Variants in SDCCAG8 observed in about 807,000 individuals in gnomAD.
SDCCAG8 encodes the protein SHH signaling and ciliogenesis regulator SDCCAG8, also known as serologically defined colon cancer antigen 8.
A neutral mutation model predicts 101.8 loss-of-function variants in SDCCAG8; 74 were observed. The observed-to-expected ratio is 0.73, with a 90% confidence interval of 0.60 to 0.88. The LOEUF (loss-of-function observed/expected upper bound fraction) is 0.88. Ranked by LOEUF, SDCCAG8 falls within the 40% of genes least tolerant of loss-of-function variation. SDCCAG8 has a pLI of 0.00. For synonymous variants in SDCCAG8, 281 were observed against 292.9 expected (o/e 0.96, Z 0.41); for missense variants, 787 against 822.6 (o/e 0.96, Z 0.53).
intron 13 of SDCCAG8, among the ~76,000 whole-genome samples, chr1:243,414,807 CACTT>C (rs2080448212): frequency 6.6e-6 from 1 of 151,906 alleles, no homozygotes; most frequent in South Asian, 2.1e-4. Context: ...ACCCTAATAT[CACTT>C]ACCCATATTT....
At chr1:243,415,901 C>A in intron 14 of SDCCAG8, 72 bp downstream of exon 14, 1 of 1,569,144 alleles carries the variant, frequency 6.4e-7, no homozygotes, top group Non-Finnish European at 8.7e-7. Flanking sequence ...TGTGAAATGA[C>A]ATCAGGAACA....
chr1:243,471,878 T>A (rs1661343521), intron 16 of SDCCAG8, among the ~76,000 whole-genome samples: 1 of 152,188 alleles, frequency 6.6e-6, no homozygotes, highest in South Asian at 2.1e-4. Context: ...GATTCTACTC[T>A]CTAATACATA....
chr1:243,407,970 T>C (rs941175046), intron 13 of SDCCAG8, among the ~76,000 whole-genome samples: 1 of 152,212 alleles, frequency 6.6e-6, no homozygotes, highest in African/African-American at 2.4e-5. Context: ...TAGCTGTAAA[T>C]AAGCATAGAA....
Position 243,499,735 on chromosome 1 carries a change from ACTT to A in SDCCAG8, c.2113-20_2113-18del, listed in dbSNP as rs1350739174. On this transcript the variant is annotated intron_variant, in intron 17 of 17. Coordinates refer to ENST00000366541, the MANE Select transcript of SDCCAG8 (RefSeq NM_006642.5). ...TGAAGAACATGAGCTATTGAAACTT[ACTT>A]TTTATTATTTTTTCCAGTTACCCAG... 9 of 1,597,424 alleles carry A rather than the reference ACTT, an allele frequency of 5.6e-6. No homozygotes were observed. Among genetic ancestry groups the A allele is most frequent in the Non-Finnish European group, 7.7e-6 (9 of 1,165,088 alleles).
intron 12 of SDCCAG8, among the ~76,000 whole-genome samples, chr1:243,348,818 CAAAAA>C (rs34405078): frequency 1.1e-4 from 15 of 131,256 alleles, no homozygotes; most frequent in Admixed American, 2.3e-4. Flanking sequence ...ACTAAAAATA[CAAAAA>C]AAAAAAAAAA....
chr1:243,329,145 T>G (rs1309478047), intron 9 of SDCCAG8, among the ~76,000 whole-genome samples: 1 of 152,222 alleles, frequency 6.6e-6, no homozygotes, highest in African/African-American at 2.4e-5. Flanking sequence ...GTATGCCTTT[T>G]CATTTATTTT....
chr1:243,370,400 A>AT (rs1000242287), intron 12 of SDCCAG8, among the ~76,000 whole-genome samples: 2 of 152,104 alleles, frequency 1.3e-5, no homozygotes, highest in Non-Finnish European at 2.9e-5. Context: ...GTGCAAAGCA[A>AT]TTTTTTTTCC....
At chr1:243,403,143 C>T (rs73118401) in intron 13 of SDCCAG8, among the ~76,000 whole-genome samples, 5,371 of 152,180 alleles carry the variant, frequency 0.035, 230 homozygotes, top group African/African-American at 0.096. Flanking sequence ...GTGGAGCTTC[C>T]CACATAATCC....
At chr1:243,308,549 G>C (rs2072396105) in intron 8 of SDCCAG8, among the ~76,000 whole-genome samples, 1 of 152,094 alleles carries the variant, frequency 6.6e-6, no homozygotes, top group African/African-American at 2.4e-5. Flanking sequence ...AAATTCCTTT[G>C]GTTTTGCCAT....
intron 17 of SDCCAG8, 42 bp downstream of exon 17, chr1:243,489,182 G>C: frequency 6.2e-7 from 1 of 1,604,416 alleles, no homozygotes; most frequent in Non-Finnish European, 8.5e-7. Flanking sequence ...CCTTGGGCGG[G>C]CGTCTACAGG....
intron 13 of SDCCAG8, among the ~76,000 whole-genome samples, chr1:243,398,754 TAGTC>T (rs2079180251): frequency 6.6e-6 from 1 of 152,232 alleles, no homozygotes; most frequent in African/African-American, 2.4e-5. Flanking sequence ...CATCATTTGA[TAGTC>T]ATATCACAAA....
intron 9 of SDCCAG8, 49 bp from the exon 10 acceptor site, chr1:243,330,491 A>AT (rs1409899138): frequency 1.9e-6 from 3 of 1,599,844 alleles, no homozygotes; most frequent in Non-Finnish European, 2.6e-6. Context: ...TTTTACCTAT[A>AT]TTTTTTCCAA....
At chr1:243,316,041 C>A (rs1413692354) in intron 8 of SDCCAG8, among the ~76,000 whole-genome samples, 1 of 152,170 alleles carries the variant, frequency 6.6e-6, no homozygotes, top group Non-Finnish European at 1.5e-5. Flanking sequence ...CATGCCAGAG[C>A]ATTTTGGCAT....
At chr1:243,496,842 G>C (rs766631248) in intron 17 of SDCCAG8, among the ~76,000 whole-genome samples, 7 of 152,238 alleles carry the variant, frequency 4.6e-5, no homozygotes, top group Non-Finnish European at 1.0e-4. Flanking sequence ...GACTCCGATA[G>C]GATTTAAAAT....
intron 9 of SDCCAG8, among the ~76,000 whole-genome samples, chr1:243,324,576 A>T (rs983404955): frequency 1.4e-5 from 2 of 145,914 alleles, no homozygotes; most frequent in Non-Finnish European, 3.0e-5. Context: ...CTCCCTCCTT[A>T]GCCCCGCAAA....
chr1:243,365,940 G>A (rs533929074), intron 12 of SDCCAG8, among the ~76,000 whole-genome samples: 8 of 152,140 alleles, frequency 5.3e-5, no homozygotes, highest in African/African-American at 1.4e-4. Flanking sequence ...CCTTTAGGCT[G>A]CTCTTCATTT....
chr1:243,496,598 G>A (rs1558556802), intron 17 of SDCCAG8, among the ~76,000 whole-genome samples: 1 of 152,240 alleles, frequency 6.6e-6, no homozygotes, highest in Non-Finnish European at 1.5e-5. Context: ...GCCACCCACG[G>A]AGACAGTGAA....
At chr1:243,378,644 A>G (rs1360182498) in intron 12 of SDCCAG8, 77 bp from the exon 13 acceptor site, 5 of 1,500,472 alleles carry the variant, frequency 3.3e-6, no homozygotes, top group Non-Finnish European at 4.6e-6. Context: ...TTCATGGCAA[A>G]AAATAAAAAT....
intron 12 of SDCCAG8, among the ~76,000 whole-genome samples, chr1:243,372,552 A>G (rs957973317): frequency 1.3e-5 from 2 of 152,116 alleles, no homozygotes; most frequent in Non-Finnish European, 2.9e-5. Context: ...AAAAATGTAT[A>G]GTAGAGTTTC....
Sources: gnomAD v4.1 joint callset for allele counts (sites outside exome capture counted in the v4.1 genomes callset) on GRCh38, gnomAD v4.1.1 for gene constraint, MANE v1.5 for transcripts, NCBI Gene and HGNC (gene_info 2026-07-23, HGNC 2026-07-21) for gene names.